TBC1D8B: variants seen among roughly 807,000 people sequenced by gnomAD.
The protein encoded by TBC1D8B is TBC1 domain family member 8B, also known as RP11-321G1.1.
In TBC1D8B, 75 loss-of-function variants were observed where a neutral mutation model predicts 82.9. The observed-to-expected ratio is 0.90, with a 90% CI of 0.75 to 1.10. The LOEUF (loss-of-function observed/expected upper bound fraction) is 1.10. TBC1D8B is among the 50% of genes least tolerant of loss of function. The pLI, the probability that TBC1D8B is intolerant of heterozygous loss-of-function variation, is 0.00. For missense variants in TBC1D8B, 794 were observed against 796.9 expected, an observed-to-expected ratio of 1.00 and a Z score of 0.04; for synonymous variants, 276 against 276.8, an observed-to-expected ratio of 1.00 and a Z score of 0.03.
intron 14 of TBC1D8B, among the ~76,000 whole-genome samples, chrX:106,862,066 C>T (rs1048897071): frequency 6.2e-5 from 7 of 112,017 alleles, no homozygotes; most frequent in Admixed American, 2.8e-4. Flanking sequence ...GAATATAGGC[C>T]TTCAATCTTT....
chrX:106,857,017 C>T (rs1339595318), intron 14 of TBC1D8B, among the ~76,000 whole-genome samples: 1 of 111,311 alleles, frequency 9.0e-6, no homozygotes, highest in Non-Finnish European at 1.9e-5. Context: ...TCTGAATAGA[C>T]AAGCATGTCA....
At chrX:106,823,938 A>G (rs1050302979) in intron 5 of TBC1D8B, among the ~76,000 whole-genome samples, 2 of 111,572 alleles carry the variant, frequency 1.8e-5, no homozygotes, top group Non-Finnish European at 3.8e-5. Flanking sequence ...ACCCTTAGAC[A>G]AGTCATATCT....
intron 1 of TBC1D8B, among the ~76,000 whole-genome samples, chrX:106,813,126 G>A (rs772217478): frequency 8.9e-6 from 1 of 112,055 alleles, no homozygotes; most frequent in Non-Finnish European, 1.9e-5. Context: ...CCAAAGTGCT[G>A]GGATTAAAGG....
intron 17 of TBC1D8B, among the ~76,000 whole-genome samples, chrX:106,867,356 T>G (rs1932821346): frequency 8.9e-6 from 1 of 112,056 alleles, no homozygotes; most frequent in Non-Finnish European, 1.9e-5. Flanking sequence ...TTTTTAAAAT[T>G]TAATTCTCAT....
At chrX:106,835,199 T>C (rs1932144686) in intron 7 of TBC1D8B, among the ~76,000 whole-genome samples, 2 of 112,724 alleles carry the variant, frequency 1.8e-5, no homozygotes, top group African/African-American at 6.4e-5. Flanking sequence ...CCTCAGTTCT[T>C]GACTTCTGTG....
chrX:106,809,273 G>A (rs779345268), intron 1 of TBC1D8B, among the ~76,000 whole-genome samples: 4 of 111,518 alleles, frequency 3.6e-5, no homozygotes, highest in East Asian at 5.7e-4. Flanking sequence ...GGCTAATACC[G>A]TAGTTGGGGG....
intron 7 of TBC1D8B, chrX:106,827,564 T>G (rs1018366509): frequency 8.9e-6 from 3 of 335,955 alleles, no homozygotes; most frequent in African/African-American, 8.1e-5. Flanking sequence ...TACTATAATT[T>G]GATCTTTCTT....
intron 1 of TBC1D8B, among the ~76,000 whole-genome samples, chrX:106,809,880 G>A (rs1226932950): frequency 3.6e-5 from 3 of 84,431 alleles, no homozygotes; most frequent in East Asian, 3.6e-4. Context: ...GTGAGACTCC[G>A]TCTCAAAAAA....
intron 7 of TBC1D8B, among the ~76,000 whole-genome samples, chrX:106,837,261 A>C (rs767042102): frequency 8.9e-6 from 1 of 112,105 alleles, no homozygotes; most frequent in African/African-American, 3.2e-5. Flanking sequence ...AAGACAACCC[A>C]CAGAATGGAG....
rs368216913 is a variant in TBC1D8B at position 106,873,639 on chromosome X, T to C, written c.3037T>C (p.Tyr1013His). Residue 1013 changes from tyrosine (Y) to histidine (H), a missense_variant, in exon 21 of 21, where the codon TAT becomes CAT. By Grantham distance (83) the Tyr-to-His change is moderately conservative. Transcript: ENST00000357242. ...TGAGGACCCTGAAGAAGAATCATTATATCAAGCCATTGCTGTTGTAACCAG... is the reference window on the plus strand; with the variant it reads ...TGAGGACCCTGAAGAAGAATCATTACATCAAGCCATTGCTGTTGTAACCAG... ...FHEDPEEESL[Y>H]QAIAVVTSLL... is the part of the protein sequence containing the mutation. 25 of 1,209,596 alleles carry C rather than the reference T, an allele frequency of 2.1e-5. No individual in the cohort carries two copies. Among genetic ancestry groups the C allele is most frequent in the Non-Finnish European group, 2.5e-5 (22 of 894,775 alleles).
At chrX:106,819,545 T>A (rs1055214023) in intron 2 of TBC1D8B, among the ~76,000 whole-genome samples, 13 of 111,211 alleles carry the variant, frequency 1.2e-4, no homozygotes, top group African/African-American at 4.2e-4. Flanking sequence ...TATAATTTTT[T>A]AAAAAGAACA....
chrX:106,818,970 G>A (rs1265451598), intron 2 of TBC1D8B, among the ~76,000 whole-genome samples, 197 bp downstream of exon 2: 1 of 105,719 alleles, frequency 9.5e-6, no homozygotes, highest in African/African-American at 3.4e-5. Context: ...TTAATCCATT[G>A]GTGTGAGGGA....
At position 106,840,174 on chromosome X, in the gene TBC1D8B, G is replaced by A. The variant is rs1180956424; in HGVS notation, c.1480G>A (p.Gly494Arg). 8.3e-7 allele frequency: 1 copy of A among 1,207,467 alleles called. No individual in the cohort carries two copies. Among genetic ancestry groups the A allele is most frequent in the Admixed American group, 2.2e-5 (1 of 45,290 alleles). Reference protein sequence around the residue: ...VVRGIPETLRGELWMLFSGAV... With the variant: ...VVRGIPETLRRELWMLFSGAV... ...AAGAGGGATTCCAGAAACATTAAGA[G>A]GAGAACTCTGGATGCTTTTTTCAGG... Residue 494 changes from glycine (G) to arginine (R), a missense_variant, in exon 9 of 21, where the codon GGA (glycine) becomes AGA (arginine). By Grantham distance (125) the Gly-to-Arg change is moderately radical. Transcript: ENST00000357242.
chrX:106,842,474 A>G (rs1003255416), intron 10 of TBC1D8B, among the ~76,000 whole-genome samples: 1 of 111,204 alleles, frequency 9.0e-6, no homozygotes, highest in African/African-American at 3.3e-5. Context: ...ATAAAAAAGT[A>G]AATTTGTATG....
chrX:106,819,686 T>A (rs1030532595), intron 2 of TBC1D8B, among the ~76,000 whole-genome samples: 3 of 110,949 alleles, frequency 2.7e-5, no homozygotes, highest in African/African-American at 9.8e-5. Context: ...TCTTTCCTCC[T>A]GGCCCTCTTA....
intron 10 of TBC1D8B, among the ~76,000 whole-genome samples, chrX:106,844,101 T>A (rs1385826236): frequency 9.0e-6 from 1 of 111,300 alleles, no homozygotes; most frequent in East Asian, 2.8e-4. Flanking sequence ...TCTAGTAGAT[T>A]TTTTTGTGGA....
chrX:106,803,704 A>G (rs1024882259), intron 1 of TBC1D8B, among the ~76,000 whole-genome samples: 2 of 111,803 alleles, frequency 1.8e-5, no homozygotes, highest in Non-Finnish European at 3.8e-5. Context: ...CCAGACGGTA[A>G]GAGTTTAACT....
chrX:106,863,413 T>A (rs1042749039), intron 14 of TBC1D8B, among the ~76,000 whole-genome samples: 1 of 111,342 alleles, frequency 9.0e-6, no homozygotes, highest in African/African-American at 3.3e-5. Flanking sequence ...TTGGGTGCTC[T>A]GGTCCACAGG....
At chrX:106,862,274 A>C (rs1270475359) in intron 14 of TBC1D8B, among the ~76,000 whole-genome samples, 1 of 111,300 alleles carries the variant, frequency 9.0e-6, no homozygotes, top group Non-Finnish European at 1.9e-5. Context: ...TCCAGAATTT[A>C]ATGTTGTCCT....
Sources: gnomAD v4.1 joint callset for allele counts (sites outside exome capture counted in the v4.1 genomes callset) on GRCh38, gnomAD v4.1.1 for gene constraint, MANE v1.5 for transcripts, NCBI Gene and HGNC (gene_info 2026-07-23, HGNC 2026-07-21) for gene names.